Variants in MTRES1 observed in about 807,000 individuals in gnomAD.
MTRES1 encodes uncharacterized protein C6orf203.
In MTRES1, 11 loss-of-function variants were observed where a neutral mutation model predicts 17.4. The ratio of observed to expected loss-of-function variants is 0.63; its 90% CI spans 0.40 to 1.05. The LOEUF is 1.05. MTRES1 is among the 50% of genes least tolerant of loss of function. The probability of loss-of-function intolerance (pLI) is 0.00; values close to 1 mark genes in which losing one functional copy is unlikely to be tolerated. For synonymous variants in MTRES1, 94 were observed against 99.6 expected, an observed-to-expected ratio of 0.94 and a Z score of 0.34; for missense variants, 268 against 276.2, an observed-to-expected ratio of 0.97 and a Z score of 0.21.
Position 107,034,642 on chromosome 6 carries a change from G to A in MTRES1, c.-12-5107G>A, listed in dbSNP as rs117616805. On this transcript the variant is annotated intron_variant, in intron 1 of 3. Transcript: ENST00000311381. ...TGGGCTTGTCGCAAGGAACAAATGA[G>A]TTAACGTGTAGAGCAATGCCTGGCC... Among the ~76,000 whole-genome samples, 298 of 152,290 alleles carry A rather than the reference G, an allele frequency of 2.0e-3. 1 individual carries two copies. The highest frequency in any genetic ancestry group is 3.4e-3 in the Non-Finnish European group (233 of 68,034).
At chr6:107,043,969 A>C (rs1276951934) in intron 2 of MTRES1, among the ~76,000 whole-genome samples, 3 of 152,216 alleles carry the variant, frequency 2.0e-5, no homozygotes, top group Non-Finnish European at 2.9e-5. Flanking sequence ...TCTACTAAAA[A>C]TACAAAAGTT....
intron 3 of MTRES1, among the ~76,000 whole-genome samples, chr6:107,044,995 C>T (rs1337822106): frequency 3.3e-5 from 5 of 151,962 alleles, no homozygotes; most frequent in African/African-American, 1.2e-4. Flanking sequence ...TGAAGACCAG[C>T]CTGGGCAACA....
chr6:107,044,227 T>C (rs1265909131), intron 2 of MTRES1, 33 bp from the exon 3 acceptor site: 28 of 1,562,364 alleles, frequency 1.8e-5, no homozygotes, highest in Non-Finnish European at 2.1e-5. Context: ...ATCACCCAAA[T>C]TGTGTACATT....
At chr6:107,038,983 G>A (rs1774096037) in intron 1 of MTRES1, among the ~76,000 whole-genome samples, 1 of 152,088 alleles carries the variant, frequency 6.6e-6, no homozygotes, top group African/African-American at 2.4e-5. Flanking sequence ...GAACCCAGGA[G>A]GCGGAGGTTG....
At chr6:107,037,708 A>G (rs1231880165) in intron 1 of MTRES1, among the ~76,000 whole-genome samples, 4 of 151,960 alleles carry the variant, frequency 2.6e-5, no homozygotes, top group Non-Finnish European at 4.4e-5. Context: ...TCTGGATTAT[A>G]TAGCATTTTA....
intron 1 of MTRES1, among the ~76,000 whole-genome samples, chr6:107,031,649 G>A (rs1224044189): frequency 2.6e-5 from 4 of 151,354 alleles, no homozygotes; most frequent in African/African-American, 9.7e-5. Context: ...TGTCCAGGCT[G>A]GAGTGCAATG....
At chr6:107,042,339 C>CAGAA (rs1774247745) in intron 2 of MTRES1, among the ~76,000 whole-genome samples, 1 of 98,726 alleles carries the variant, frequency 1.0e-5, no homozygotes, top group Non-Finnish European at 1.9e-5. Flanking sequence ...GACTCCGTCT[C>CAGAA]AAAAAAAAAA....
At chr6:107,032,580 G>C (rs1582592773) in intron 1 of MTRES1, among the ~76,000 whole-genome samples, 2 of 152,190 alleles carry the variant, frequency 1.3e-5, no homozygotes, top group East Asian at 3.8e-4. Flanking sequence ...GCGTGGTGCC[G>C]TGTGCCTGTA....
intron 1 of MTRES1, among the ~76,000 whole-genome samples, chr6:107,031,051 A>C (rs782305602): frequency 3.9e-5 from 6 of 152,086 alleles, no homozygotes; most frequent in Admixed American, 2.0e-4. Context: ...AGAGAAGAGG[A>C]CCAAAGATAG....
intron 3 of MTRES1, among the ~76,000 whole-genome samples, chr6:107,049,488 A>G (rs1316516310): frequency 7.3e-6 from 1 of 136,224 alleles, no homozygotes; most frequent in East Asian, 2.2e-4. Flanking sequence ...ATCTCGGCTC[A>G]CTGCAAGCTC....
intron 1 of MTRES1, among the ~76,000 whole-genome samples, chr6:107,034,979 C>T (rs1430376843): frequency 2.0e-5 from 3 of 151,544 alleles, no homozygotes; most frequent in African/African-American, 7.3e-5. Flanking sequence ...AAGAGTGAAT[C>T]TCCGTCTTAA....
At chr6:107,029,975 A>G (rs1341001245) in intron 1 of MTRES1, 3 of 670,914 alleles carry the variant, frequency 4.5e-6, no homozygotes, top group East Asian at 2.7e-5. Flanking sequence ...ACCAGCTATC[A>G]TATAATTTAC....
At chr6:107,048,321 G>T (rs1554228667) in intron 3 of MTRES1, among the ~76,000 whole-genome samples, 1 of 151,806 alleles carries the variant, frequency 6.6e-6, no homozygotes, top group East Asian at 2.0e-4. Flanking sequence ...TTTTAGTAGA[G>T]ACGGGGTTTC....
chr6:107,041,801 A>G (rs1554227817), intron 2 of MTRES1, among the ~76,000 whole-genome samples: 1 of 151,954 alleles, frequency 6.6e-6, no homozygotes, highest in African/African-American at 2.4e-5. Context: ...TGCTGGGATT[A>G]CAGGCGTGAG....
chr6:107,048,306 T>A (rs1209571240), intron 3 of MTRES1, among the ~76,000 whole-genome samples: 8 of 152,022 alleles, frequency 5.3e-5, no homozygotes, highest in African/African-American at 1.9e-4. Flanking sequence ...TGATAATTTT[T>A]GTATTTTTAG....
intron 1 of MTRES1, among the ~76,000 whole-genome samples, chr6:107,032,213 A>G (rs2114939669): frequency 6.6e-6 from 1 of 152,328 alleles, no homozygotes; most frequent in South Asian, 2.1e-4. Context: ...AAGTAACAGC[A>G]TCCTCTCCTT....
At chr6:107,032,135 A>G (rs1773866801) in intron 1 of MTRES1, among the ~76,000 whole-genome samples, 1 of 152,210 alleles carries the variant, frequency 6.6e-6, no homozygotes. Flanking sequence ...GGAGCAAGAA[A>G]AGAGGTGGTA....
chr6:107,041,971 A>T (rs984017335), intron 2 of MTRES1, among the ~76,000 whole-genome samples: 1 of 152,144 alleles, frequency 6.6e-6, no homozygotes, highest in Non-Finnish European at 1.5e-5. Context: ...ATGCAGCAAA[A>T]CTTCTTGTGT....
At chr6:107,036,702 G>T (rs942326896) in intron 1 of MTRES1, among the ~76,000 whole-genome samples, 2 of 151,810 alleles carry the variant, frequency 1.3e-5, no homozygotes, top group Admixed American at 1.3e-4. Context: ...AATTAGTTGG[G>T]CGTGGTGGTG....
Sources: allele counts gnomAD v4.1 joint callset (sites outside exome capture counted in the v4.1 genomes callset), GRCh38; gene constraint gnomAD v4.1.1; transcripts MANE v1.5; gene names NCBI Gene and HGNC (gene_info 2026-07-23, HGNC 2026-07-21).